The following NUP133 variants were observed in gnomAD, a reference collection of about 807,000 sequenced individuals.
NUP133 encodes the protein nuclear pore complex protein Nup133.
A neutral mutation model predicts 146.2 loss-of-function variants in NUP133; 66 were observed. The ratio of observed to expected loss-of-function variants is 0.45; its 90% CI spans 0.37 to 0.55. The LOEUF (loss-of-function observed/expected upper bound fraction) is 0.55. Ranked by LOEUF, NUP133 falls within the 20% of genes least tolerant of loss-of-function variation. The probability of loss-of-function intolerance (pLI) is 0.00; values close to 1 mark genes in which losing one functional copy is unlikely to be tolerated. For missense variants in NUP133, 1,277 were observed against 1,374.8 expected, an observed-to-expected ratio of 0.93 and a Z score of 1.12; for synonymous variants, 521 against 498.8, an observed-to-expected ratio of 1.04 and a Z score of -0.59.
rs764644639 is a variant in NUP133 at position 229,508,128 on chromosome 1, G to A, written c.122C>T (p.Ser41Phe). 1.5e-5 allele frequency: 24 copies of A among 1,585,576 alleles called. No individual in the cohort carries two copies. Among genetic ancestry groups the A allele is most frequent in the Non-Finnish European group, 2.1e-5 (24 of 1,167,462 alleles). ...TASRKGLPLG[S>F]AVSSPVLFSP... ...GAAGAGCACTGGGGAGCTGACTGCA[G>A]ACCCCAGGGGCAGACCCTTCCTGCT... Residue 41 changes from serine (S) to phenylalanine (F), a missense_variant, in exon 1 of 26, where the codon TCT becomes TTT. By Grantham distance (155) the Ser-to-Phe change is radical (BLOSUM62 -2). Transcript: ENST00000261396.
At chr1:229,501,276 T>G (rs1661791065) in intron 3 of NUP133, among the ~76,000 whole-genome samples, 1 of 152,214 alleles carries the variant, frequency 6.6e-6, no homozygotes, top group African/African-American at 2.4e-5. Flanking sequence ...AAACAATTTC[T>G]TAGACTCTCA....
intron 19 of NUP133, 74 bp downstream of exon 19, chr1:229,463,469 G>T (rs1660736827): frequency 2.0e-6 from 3 of 1,481,920 alleles, no homozygotes; most frequent in Non-Finnish European, 2.7e-6. Flanking sequence ...CCTGATTACA[G>T]ATTTGAAATG....
chr1:229,503,336 A>G (rs1298411330), intron 2 of NUP133, among the ~76,000 whole-genome samples: 1 of 152,216 alleles, frequency 6.6e-6, no homozygotes, highest in African/African-American at 2.4e-5. Context: ...CGATAAAGTA[A>G]AACAAATAAC....
At chr1:229,493,230 C>T (rs1307260399) in intron 8 of NUP133, among the ~76,000 whole-genome samples, 2 of 152,196 alleles carry the variant, frequency 1.3e-5, no homozygotes, top group Non-Finnish European at 1.5e-5. Flanking sequence ...CAGGGTAGAG[C>T]GCAGTGGTGG....
intron 16 of NUP133, among the ~76,000 whole-genome samples, chr1:229,466,348 T>G (rs903719100): frequency 4.0e-5 from 6 of 151,832 alleles, no homozygotes; most frequent in African/African-American, 1.5e-4. Flanking sequence ...AAAAACCAAC[T>G]AAAAAATTGC....
chr1:229,474,879 G>A (rs1030016245), intron 14 of NUP133, among the ~76,000 whole-genome samples: 2 of 152,124 alleles, frequency 1.3e-5, no homozygotes, highest in Non-Finnish European at 2.9e-5. Context: ...GAAGTGCAGT[G>A]ATTTCTTGAG....
intron 12 of NUP133, 68 bp from the exon 13 acceptor site, chr1:229,477,828 A>G: frequency 8.0e-7 from 1 of 1,255,724 alleles, no homozygotes; most frequent in Non-Finnish European, 1.1e-6. Flanking sequence ...CCAAGAAAAA[A>G]TTAATTATGG....
intron 25 of NUP133, among the ~76,000 whole-genome samples, chr1:229,443,894 C>CTTTT (rs746631129): frequency 1.7e-5 from 2 of 114,870 alleles, no homozygotes; most frequent in Non-Finnish European, 3.5e-5. Context: ...GTGCTCAACT[C>CTTTT]TTTTTTTTTT....
At chr1:229,465,656 C>T in intron 16 of NUP133, 137 bp from the exon 17 acceptor site, 1 of 689,610 alleles carries the variant, frequency 1.5e-6, no homozygotes, top group East Asian at 2.8e-5. Context: ...ACCTGTAATC[C>T]CAGTGCTTTG....
Position 229,498,383 on chromosome 1 carries a change from G to A in NUP133, c.649-77C>T, listed in dbSNP as rs188195598. 2.2e-5 allele frequency: 21 copies of A among 958,024 alleles called. No homozygotes were observed. The Admixed American group carries it at 2.9e-4, about 13-fold the overall frequency. The allele number at this position is 958,024 out of a possible 1,614,324, so 59.3% of individuals were successfully genotyped here. A position where few individuals can be genotyped will look rare whatever the true frequency, so the allele number is the denominator to read the frequency against. ...AAAATGAAAAATTCTTTGATACAGA[G>A]AAAAATCATCGTAATTGAAATAAAT... On this transcript the variant is annotated intron_variant, in intron 5 of 25. Coordinates refer to ENST00000261396, the MANE Select transcript of NUP133 (RefSeq NM_018230.3).
intron 12 of NUP133, among the ~76,000 whole-genome samples, chr1:229,479,688 C>CAACGTATTGGATACGTTGA (rs1661163021): frequency 6.6e-6 from 1 of 152,132 alleles, no homozygotes; most frequent in Admixed American, 6.6e-5. Context: ...CGTTGAAACT[C>CAACGTATTGGATACGTTGA]AAGTGCCTAT....
intron 14 of NUP133, among the ~76,000 whole-genome samples, chr1:229,474,434 A>G (rs566466227): frequency 6.6e-6 from 1 of 152,362 alleles, no homozygotes; most frequent in East Asian, 1.9e-4. Flanking sequence ...AGAGAGACTC[A>G]ATGAATGATT....
intron 22 of NUP133, 60 bp from the exon 23 acceptor site, chr1:229,450,665 T>C (rs1660427148): frequency 1.5e-5 from 12 of 799,796 alleles, no homozygotes; most frequent in South Asian, 3.5e-5. Context: ...ACTAGAGACA[T>C]TTATGGAGAA....
intron 2 of NUP133, among the ~76,000 whole-genome samples, chr1:229,505,564 TAAAAAAAAAAA>T (rs56383157): frequency 3.8e-4 from 24 of 63,240 alleles, no homozygotes; most frequent in South Asian, 1.2e-3. Flanking sequence ...CAATTACAGT[TAAAAAAAAAAA>T]AAAAAAAAAA....
intron 23 of NUP133, among the ~76,000 whole-genome samples, chr1:229,449,873 ATTTTTT>A (rs71281043): frequency 3.5e-5 from 3 of 85,806 alleles, no homozygotes; most frequent in African/African-American, 1.5e-4. Context: ...ATATATATAT[ATTTTTT>A]TTTTTTTTTT....
intron 2 of NUP133, among the ~76,000 whole-genome samples, chr1:229,505,564 TAAAAAAAAAAAAA>T (rs56383157): frequency 1.1e-4 from 7 of 63,242 alleles, no homozygotes; most frequent in South Asian, 5.8e-4. Context: ...CAATTACAGT[TAAAAAAAAAAAAA>T]AAAAAAAAAA....
intron 14 of NUP133, among the ~76,000 whole-genome samples, chr1:229,472,356 T>C (rs540131098): frequency 6.8e-6 from 1 of 148,002 alleles, no homozygotes; most frequent in Non-Finnish European, 1.5e-5. Flanking sequence ...GGAGTTTTCA[T>C]GCAAGGTCAT....
intron 16 of NUP133, among the ~76,000 whole-genome samples, chr1:229,465,814 C>T (rs967938669): frequency 6.8e-6 from 1 of 146,986 alleles, no homozygotes; most frequent in African/African-American, 2.5e-5. Context: ...TGCTTGAGCC[C>T]AGGAGGTGGA....
At chr1:229,470,351 G>GA (rs1660926391) in intron 15 of NUP133, among the ~76,000 whole-genome samples, 1 of 151,994 alleles carries the variant, frequency 6.6e-6, no homozygotes, top group Non-Finnish European at 1.5e-5. Flanking sequence ...GTTATTGGGG[G>GA]AAAAAAGTAA....
Sources: allele counts gnomAD v4.1 joint callset (sites outside exome capture counted in the v4.1 genomes callset), GRCh38; gene constraint gnomAD v4.1.1; transcripts MANE v1.5; gene names NCBI Gene and HGNC (gene_info 2026-07-23, HGNC 2026-07-21).